Variants in ZNF384 observed in about 807,000 individuals in gnomAD.
ZNF384 encodes zinc finger protein 384, also known as CAG repeat protein 1.
In ZNF384, 20 loss-of-function variants were observed where a neutral mutation model predicts 65.0. The ratio of observed to expected loss-of-function variants is 0.31; its 90% CI spans 0.22 to 0.45. The LOEUF is 0.45. ZNF384 is among the 20% of genes least tolerant of loss of function. The pLI, the probability that ZNF384 is intolerant of heterozygous loss-of-function variation, is 1.00. For synonymous variants in ZNF384, 310 were observed against 303.9 expected, an observed-to-expected ratio of 1.02 and a Z score of -0.21; for missense variants, 549 against 769.4, an observed-to-expected ratio of 0.71 and a Z score of 3.39.
In ZNF384 at chr12:6,678,057, A is replaced by C; in HGVS notation, c.686+70T>G. On this transcript the variant is annotated intron_variant, in intron 6 of 11. Coordinates refer to ENST00000683879, the MANE Select transcript of ZNF384 (RefSeq NM_001385745.1). The surrounding 1 kb of genome is among the most constrained non-coding windows in gnomAD (Gnocchi z 4.9). ...GTAGCGCCTGACCGGGGCAGAACAC[A>C]ATGAGGGTACAGGGAGAATCACCAA... The C allele has an allele frequency of 6.9e-7, 1 of 1,440,984 alleles. No individual in the cohort carries two copies. The allele number at this position is 1,440,984 out of a possible 1,614,324, so 89.3% of individuals were successfully genotyped here.
rs1210908077 is a variant in ZNF384, at chr12:6,669,534, CTG to C, written c.1267-347_1267-346del. On this transcript the variant is annotated intron_variant, in intron 10 of 11. Transcript: ENST00000683879. ...TTTTTCCCAGATGAAGTCTCTCACTCTGTCGCTCAGGTTGGAGTGCAGCGGCA... is the reference window on the plus strand; with the variant it reads ...TTTTTCCCAGATGAAGTCTCTCACTCTCGCTCAGGTTGGAGTGCAGCGGCA... 4.6e-5 allele frequency among the ~76,000 whole-genome samples: 7 copies of C among 151,004 alleles called. No homozygotes were observed. In the East Asian group the frequency reaches 7.8e-4, roughly 17 times the overall value.
chr12:6,682,510 T>C (rs965887022), intron 2 of ZNF384, among the ~76,000 whole-genome samples: 1 of 152,098 alleles, frequency 6.6e-6, no homozygotes, highest in Non-Finnish European at 1.5e-5. Context: ...TTGCCAGGCA[T>C]GGTGGCAGGT....
chr12:6,673,527 C>T lies in ZNF384; in HGVS notation c.780-87G>A. On this transcript the variant is annotated intron_variant, in intron 7 of 11. Coordinates refer to ENST00000683879, the MANE Select transcript of ZNF384 (RefSeq NM_001385745.1). This position sits in a 1 kb window ranked among gnomAD's most constrained non-coding sequence, Gnocchi z 4.7. The stretch of plus-strand genomic sequence containing the variant: ...CCCTCTACTTCCAAGAGAAGCCCAC[C>T]TATCTGAGGTCTCTCCTACTCCAAC... The T allele has an allele frequency of 8.6e-7, 1 of 1,166,172 alleles. No homozygotes were observed. The highest frequency in any genetic ancestry group is 2.5e-5 in the East Asian group (1 of 39,946). 72.2% of individuals were successfully genotyped at this position (1,166,172 alleles called of 1,614,324 possible).
At position 6,667,969 on chromosome 12, in the gene ZNF384, C is replaced by A. The variant is rs1202139857; in HGVS notation, c.1572G>T (p.Gln524His). 1 of 1,611,886 alleles carries A rather than the reference C, an allele frequency of 6.2e-7. No homozygotes were observed. The highest frequency in any genetic ancestry group is 8.5e-7 in the Non-Finnish European group (1 of 1,178,780). ...QAQAQAQAQA[Q>H]AQASQASQQQ... Reference sequence around the variant, plus strand: ...GCTGTGATGCCTGGGAGGCCTGGGCCTGGGCCTGGGCTTGAGCCTGAGCCT... The same window carrying A: ...GCTGTGATGCCTGGGAGGCCTGGGCATGGGCCTGGGCTTGAGCCTGAGCCT... Residue 524 changes from glutamine (Q) to histidine (H), a missense_variant, in exon 12 of 12, where the codon CAG becomes CAT. Coordinates refer to ENST00000683879, the MANE Select transcript of ZNF384 (RefSeq NM_001385745.1).
rs1951228581 is a variant in ZNF384, at chr12:6,670,838, T to G, written c.1188A>C (p.Arg396=). 6.8e-6 allele frequency: 11 copies of G among 1,613,946 alleles called. No individual in the cohort carries two copies. Among genetic ancestry groups the G allele is most frequent in the Non-Finnish European group, 9.3e-6 (11 of 1,179,874 alleles). ...TGTATGGTCTATCACCAGTGTGGAT[T>G]CTGCACAGGATAAGAGAAAAAAGGG... is the stretch of plus-strand genomic sequence containing the variant. ...RQLSHLQQHT[R]IHTGDRPYKC... is the part of the protein sequence containing the mutation. The change falls in exon 10 of 12, where the codon CGA becomes CGC. Residue 396 remains arginine, a splice_region_variant and synonymous_variant. Transcript: ENST00000683879.
chr12:6,686,512 C>G (rs1957958633), intron 2 of ZNF384, among the ~76,000 whole-genome samples: 1 of 152,176 alleles, frequency 6.6e-6, no homozygotes, highest in Non-Finnish European at 1.5e-5. Flanking sequence ...CCTCAGCCTC[C>G]CAAAGTGCTG....
In ZNF384 at chr12:6,667,906, C is replaced by CTGT. The variant is rs1555086165; in HGVS notation, c.1634_1635insACA (p.Gln547dup). 5.0e-5 allele frequency: 3 copies of CTGT among 59,640 alleles called. No individual in the cohort carries two copies. The highest frequency in any genetic ancestry group is 3.8e-4 in the South Asian group (1 of 2,622). 3.7% of individuals were successfully genotyped at this position (59,640 alleles called of 1,614,324 possible). Reference sequence around the variant, plus strand: ...ACTGGAAGTGTGGTGGTGGCTGTTGCTGCTGCTGCTGCTGCTGCTGCTGCT... The same window carrying CTGT: ...ACTGGAAGTGTGGTGGTGGCTGTTGCTGTTGCTGCTGCTGCTGCTGCTGCTGCT... On this transcript the variant is annotated inframe_insertion, in exon 12 of 12. Transcript: ENST00000683879.
rs769599116 is a variant in ZNF384 at position 6,667,864 on chromosome 12, G to C, written c.1677C>G (p.Pro559=). 1 of 1,614,088 alleles carries C rather than the reference G, an allele frequency of 6.2e-7. No homozygotes were observed. The highest frequency in any genetic ancestry group is 8.5e-7 in the Non-Finnish European group (1 of 1,180,004). Residue 559 remains proline, a synonymous_variant, in exon 12 of 12, where the codon CCC becomes CCG. Transcript: ENST00000683879. ...PPHFQSPGAA[P]QGGGGGDSNP... ...TGCTGTCCCCACCACCCCCACCCTG[G>C]GGGGCTGCCCCAGGAGACTGGAAGT...
rs1331159085 is a variant in ZNF384 at position 6,673,721 on chromosome 12, G to A, written c.780-281C>T. Among the ~76,000 whole-genome samples the A allele has an allele frequency of 2.6e-5, 4 of 152,134 alleles. No individual in the cohort carries two copies. Among genetic ancestry groups the A allele is most frequent in the Non-Finnish European group, 5.9e-5 (4 of 68,026 alleles). ...AACAGTATGAACTCTGGGCAGATGC[G>A]AATTTCAATGGGCCAGGAATATCAG... is the stretch of plus-strand genomic sequence containing the variant. On this transcript the variant is annotated intron_variant, in intron 7 of 11. Coordinates refer to ENST00000683879, the MANE Select transcript of ZNF384 (RefSeq NM_001385745.1). This position sits in a 1 kb window ranked among gnomAD's most constrained non-coding sequence, Gnocchi z 4.7.
intron 2 of ZNF384, among the ~76,000 whole-genome samples, chr12:6,680,518 C>T (rs1955519097): frequency 1.3e-5 from 2 of 151,962 alleles, no homozygotes; most frequent in Admixed American, 1.3e-4. Context: ...CGTGGTGGCA[C>T]ATGCCTGTGA....
At chr12:6,681,824 C>T (rs931420032) in intron 2 of ZNF384, among the ~76,000 whole-genome samples, 5 of 152,068 alleles carry the variant, frequency 3.3e-5, no homozygotes, top group African/African-American at 7.2e-5. Context: ...TAAAAAGTAG[C>T]GAGGGTGCAA....
In ZNF384 at chr12:6,678,902, T is replaced by C. The variant is rs1406967716; in HGVS notation, c.304+44A>G. 6 of 1,593,626 alleles carry C rather than the reference T, an allele frequency of 3.8e-6. No individual in the cohort carries two copies. The highest frequency in any genetic ancestry group is 5.2e-6 in the Non-Finnish European group (6 of 1,162,912). The stretch of plus-strand genomic sequence containing the variant: ...GCCCTCCAGCCTGGGGTACTGATCA[T>C]GGAAGATCAACACCTCAGATTGGAG... On this transcript the variant is annotated intron_variant, in intron 4 of 11. Coordinates refer to ENST00000683879, the MANE Select transcript of ZNF384 (RefSeq NM_001385745.1). The surrounding 1 kb of genome is among the most constrained non-coding windows in gnomAD (Gnocchi z 4.9).
Position 6,679,299 on chromosome 12 carries a change from T to C in ZNF384, c.67-116A>G, listed in dbSNP as rs75807463. The C allele has an allele frequency of 6.5e-5, 80 of 1,226,350 alleles. No homozygotes were observed. The African/African-American group carries it at 9.2e-4, about 14-fold the overall frequency. 76.0% of individuals were successfully genotyped at this position (1,226,350 alleles called of 1,614,324 possible). A position where few individuals can be genotyped will look rare whatever the true frequency, so the allele number is the denominator to read the frequency against. ...TTAGGGATCAAGGATGAGCACTTCATACCTCTGGCCTTCTAGAGAGAAGCC... is the reference window on the plus strand; with the variant it reads ...TTAGGGATCAAGGATGAGCACTTCACACCTCTGGCCTTCTAGAGAGAAGCC... On this transcript the variant is annotated intron_variant, in intron 3 of 11. Coordinates refer to ENST00000683879, the MANE Select transcript of ZNF384 (RefSeq NM_001385745.1).
intron 2 of ZNF384, among the ~76,000 whole-genome samples, chr12:6,684,765 T>C (rs1957305564): frequency 6.6e-6 from 1 of 152,216 alleles, no homozygotes; most frequent in African/African-American, 2.4e-5. Context: ...GACTTCATCT[T>C]TGTACTCCTG....
In ZNF384 at chr12:6,678,694, C is replaced by G; in HGVS notation, c.321G>C (p.Gln107His). 6.2e-7 allele frequency: 1 copy of G among 1,614,038 alleles called. No individual in the cohort carries two copies. The highest frequency in any genetic ancestry group is 8.5e-7 in the Non-Finnish European group (1 of 1,179,986). ...ATTGACTCCCTTCTCTTCTCCACCT[C>G]TGAGAACAGGAGACTCCTTGATTCA... ...GLMTAGVSCS[Q>H]RWRREGSQSR... is the part of the protein sequence containing the mutation. Residue 107 changes from glutamine (Q) to histidine (H), a missense_variant, in exon 5 of 12, where the codon CAG (glutamine) becomes CAC (histidine). Physicochemically the swap from Gln to His is conservative, Grantham distance 24. Transcript: ENST00000683879. The surrounding 1 kb of genome is among the most constrained non-coding windows in gnomAD (Gnocchi z 4.9).
rs963548916 is a variant in ZNF384, at chr12:6,673,106, G to C, written c.1004+110C>G. 1 of 1,022,436 alleles carries C rather than the reference G, an allele frequency of 9.8e-7. No homozygotes were observed. The highest frequency in any genetic ancestry group is 1.4e-6 in the Non-Finnish European group (1 of 694,728). The allele number at this position is 1,022,436 out of a possible 1,614,324, so 63.3% of individuals were successfully genotyped here. A position where few individuals can be genotyped will look rare whatever the true frequency, so the allele number is the denominator to read the frequency against. ...GTAATAGGAGGTTGAGGCTACCAAT[G>C]GGCAAAGGTGAAAGGGAAAGAATAA... On this transcript the variant is annotated intron_variant, in intron 8 of 11. Coordinates refer to ENST00000683879, the MANE Select transcript of ZNF384 (RefSeq NM_001385745.1). This position sits in a 1 kb window ranked among gnomAD's most constrained non-coding sequence, Gnocchi z 4.7.
chr12:6,678,049 C>A lies in ZNF384; in HGVS notation c.686+78G>T, dbSNP rs780617538. On this transcript the variant is annotated intron_variant, in intron 6 of 11. Coordinates refer to ENST00000683879, the MANE Select transcript of ZNF384 (RefSeq NM_001385745.1). This position sits in a 1 kb window ranked among gnomAD's most constrained non-coding sequence, Gnocchi z 4.9. ...GTCAGAGTGTAGCGCCTGACCGGGG[C>A]AGAACACAATGAGGGTACAGGGAGA... The A allele has an allele frequency of 1.5e-6, 2 of 1,377,884 alleles. No homozygotes were observed. The highest frequency in any genetic ancestry group is 2.9e-5 in the African/African-American group (2 of 69,858). The allele number at this position is 1,377,884 out of a possible 1,614,324, so 85.4% of individuals were successfully genotyped here.
At chr12:6,670,675 C>T in intron 10 of ZNF384, 85 bp downstream of exon 10, 1 of 1,308,194 alleles carries the variant, frequency 7.6e-7, no homozygotes, top group South Asian at 1.2e-5. Flanking sequence ...GTAAAGGAGT[C>T]CTGAAAACAT....
At chr12:6,676,446 T>C (rs752627802) in intron 7 of ZNF384, among the ~76,000 whole-genome samples, 2 of 152,244 alleles carry the variant, frequency 1.3e-5, no homozygotes, top group Admixed American at 6.5e-5. Context: ...CCAAAAATAC[T>C]GAATGTGTGA....
Sources: allele counts gnomAD v4.1 joint callset (sites outside exome capture counted in the v4.1 genomes callset), GRCh38; gene constraint gnomAD v4.1.1; non-coding constraint Gnocchi (gnomAD v3.1); transcripts MANE v1.5; gene names NCBI Gene and HGNC (gene_info 2026-07-23, HGNC 2026-07-21).